The following CHCHD3 variants were observed in gnomAD, a reference collection of about 807,000 sequenced individuals.
CHCHD3 encodes the protein coiled-coil-helix-coiled-coil-helix domain containing 3, also known as MICOS complex subunit MIC19.
In CHCHD3, 20 loss-of-function variants were observed where a neutral mutation model predicts 38.2. The ratio of observed to expected loss-of-function variants is 0.52; its 90% CI spans 0.37 to 0.76. The LOEUF (loss-of-function observed/expected upper bound fraction) is 0.76, where lower values mean the gene tolerates loss of function less well. Ranked by LOEUF, CHCHD3 falls within the 30% of genes least tolerant of loss-of-function variation. The pLI, the probability that CHCHD3 is intolerant of heterozygous loss-of-function variation, is 0.00. For synonymous variants in CHCHD3, 82 were observed against 100.0 expected (o/e 0.82, Z 1.07); for missense variants, 245 against 279.2 (o/e 0.88, Z 0.87).
intron 1 of CHCHD3, 109 bp downstream of exon 1, chr7:133,081,748 T>C: frequency 9.2e-7 from 1 of 1,087,062 alleles, no homozygotes. Context: ...CTGGCCTTAA[T>C]ACGCTAGGGT....
At chr7:132,863,087 T>C (rs1808534697) in intron 5 of CHCHD3, among the ~76,000 whole-genome samples, 1 of 152,232 alleles carries the variant, frequency 6.6e-6, no homozygotes, top group African/African-American at 2.4e-5. Flanking sequence ...ATGTTCTTAA[T>C]GGCATCTAGA....
chr7:132,885,698 T>G lies in CHCHD3; in HGVS notation c.417A>C (p.Ala139=), dbSNP rs534516884. The G allele has an allele frequency of 1.4e-4, 220 of 1,609,378 alleles. No homozygotes were observed. Among genetic ancestry groups the G allele is most frequent in the Non-Finnish European group, 1.8e-4 (210 of 1,178,530 alleles). ...GTCTAGCCAGCTGTTCTTTGTAGAATGCATCCTGCTTCTTTAGCACTCGGT... is the reference window on the plus strand; with the variant it reads ...GTCTAGCCAGCTGTTCTTTGTAGAAGGCATCCTGCTTCTTTAGCACTCGGT... ...EKDRVLKKQD[A]FYKEQLARLE... Residue 139 remains alanine (A), a synonymous_variant, in exon 5 of 8, where the codon GCA becomes GCC. Coordinates refer to ENST00000262570, the MANE Select transcript of CHCHD3 (RefSeq NM_017812.4).
At position 133,035,327 on chromosome 7, in the gene CHCHD3, G is replaced by T; in HGVS notation, c.170-10700C>A. On this transcript the variant is annotated intron_variant, in intron 2 of 7. Transcript: ENST00000262570. The surrounding 1 kb of genome is among the most constrained non-coding windows in gnomAD (Gnocchi z 4.7). Reference sequence around the variant, plus strand: ...GTTCCCCCAAGACAGCCCGGAACTGGGGCTGGTTAATGCAGGTGAGGAACC... The same window carrying T: ...GTTCCCCCAAGACAGCCCGGAACTGTGGCTGGTTAATGCAGGTGAGGAACC... 6.2e-7 allele frequency: 1 copy of T among 1,610,880 alleles called. No homozygotes were observed. The highest frequency in any genetic ancestry group is 8.5e-7 in the Non-Finnish European group (1 of 1,177,166).
intron 6 of CHCHD3, among the ~76,000 whole-genome samples, chr7:132,828,230 C>A (rs1471907993): frequency 6.6e-6 from 1 of 151,946 alleles, no homozygotes; most frequent in Non-Finnish European, 1.5e-5. Context: ...CATTGTATAC[C>A]CCCACCAGCA....
chr7:132,813,333 A>G (rs1275441143), intron 6 of CHCHD3: 1 of 152,236 alleles, frequency 6.6e-6, no homozygotes, highest in East Asian at 1.9e-4. Context: ...AATACAGTCA[A>G]TACTTATGTT....
chr7:132,935,501 A>G (rs546875558), intron 4 of CHCHD3, among the ~76,000 whole-genome samples: 4 of 152,354 alleles, frequency 2.6e-5, no homozygotes, highest in Non-Finnish European at 5.9e-5. Context: ...GATGTAAAAT[A>G]TATTCTTGCA....
At chr7:132,948,801 G>GA (rs1315993535) in intron 4 of CHCHD3, among the ~76,000 whole-genome samples, 3 of 152,204 alleles carry the variant, frequency 2.0e-5, no homozygotes, top group African/African-American at 7.2e-5. Context: ...TGCTGAGAGA[G>GA]AAATTCTCAA....
At chr7:132,914,123 C>A (rs113565988) in intron 4 of CHCHD3, among the ~76,000 whole-genome samples, 1 of 132,224 alleles carries the variant, frequency 7.6e-6, no homozygotes, top group African/African-American at 2.9e-5. Flanking sequence ...CCATGCCTGG[C>A]GTGTGTGTGT....
chr7:133,034,513 T>TTTC lies in CHCHD3; in HGVS notation c.170-9887_170-9886insGAA. On this transcript the variant is annotated intron_variant, in intron 2 of 7. Coordinates refer to ENST00000262570, the MANE Select transcript of CHCHD3 (RefSeq NM_017812.4). ...TTTCAGCAATTGGATCCAGTCTTTT[T>TTTC]TTTTTTTTTTTTTTTTTCAATGTTC... 1.7e-5 allele frequency: 8 copies of TTTC among 464,082 alleles called. No individual in the cohort carries two copies. In the South Asian group the frequency reaches 1.8e-4, roughly 10 times the overall value. 28.7% of individuals were successfully genotyped at this position (464,082 alleles called of 1,614,324 possible).
intron 4 of CHCHD3, among the ~76,000 whole-genome samples, chr7:132,912,986 T>C (rs1270926798): frequency 6.6e-6 from 1 of 152,264 alleles, no homozygotes. Context: ...CAATACTTGG[T>C]TCTGCTCAGC....
At chr7:133,064,034 C>T (rs1265578462) in intron 2 of CHCHD3, among the ~76,000 whole-genome samples, 1 of 152,234 alleles carries the variant, frequency 6.6e-6, no homozygotes, top group Non-Finnish European at 1.5e-5. Flanking sequence ...AAAGCACTTT[C>T]CATACCTCTT....
chr7:132,807,011 T>TG (rs756238698), intron 6 of CHCHD3, among the ~76,000 whole-genome samples: 2 of 151,992 alleles, frequency 1.3e-5, no homozygotes, highest in Non-Finnish European at 2.9e-5. Flanking sequence ...GCTGGTGAGA[T>TG]GGGGAGGAGT....
chr7:132,873,756 T>TATCATC (rs10615808), intron 5 of CHCHD3, among the ~76,000 whole-genome samples: 8 of 151,672 alleles, frequency 5.3e-5, no homozygotes, highest in Admixed American at 1.3e-4. Flanking sequence ...ATAAAATTGA[T>TATCATC]ATCATCATCA....
intron 3 of CHCHD3, among the ~76,000 whole-genome samples, chr7:132,984,771 G>A (rs1812042804): frequency 6.8e-6 from 1 of 147,598 alleles, no homozygotes. Context: ...GAGAAGTGAG[G>A]AGCCCCTCCG....
Position 133,056,338 on chromosome 7 carries a change from C to G in CHCHD3, c.169+13804G>C, listed in dbSNP as rs920830665. ...TTATGACTGTAACCAATGCACCCAT[C>G]ATCGCACATCATCCTTCTCCCAAGA... On this transcript the variant is annotated intron_variant, in intron 2 of 7. Coordinates refer to ENST00000262570, the MANE Select transcript of CHCHD3 (RefSeq NM_017812.4). 5.3e-5 allele frequency among the ~76,000 whole-genome samples: 8 copies of G among 152,244 alleles called. No homozygotes were observed. The East Asian group carries it at 1.5e-3, about 29-fold the overall frequency.
At chr7:133,050,073 G>C (rs1018764414) in intron 2 of CHCHD3, among the ~76,000 whole-genome samples, 1 of 152,084 alleles carries the variant, frequency 6.6e-6, no homozygotes, top group Admixed American at 6.5e-5. Context: ...AGGGCCAGGC[G>C]TGGTGGCTCA....
At chr7:132,914,123 C>CGTGTGTGTGTGTGTGTGT (rs200561468) in intron 4 of CHCHD3, among the ~76,000 whole-genome samples, 3 of 132,224 alleles carry the variant, frequency 2.3e-5, no homozygotes, top group East Asian at 4.5e-4. Context: ...CCATGCCTGG[C>CGTGTGTGTGTGTGTGTGT]GTGTGTGTGT....
intron 4 of CHCHD3, among the ~76,000 whole-genome samples, chr7:132,905,067 G>A (rs553382094): frequency 1.7e-4 from 26 of 151,284 alleles, no homozygotes; most frequent in African/African-American, 5.8e-4. Context: ...GACGCAAGGC[G>A]GGGAACAAAA....
intron 4 of CHCHD3, among the ~76,000 whole-genome samples, chr7:132,946,438 G>A (rs759671723): frequency 2.0e-5 from 3 of 151,844 alleles, no homozygotes; most frequent in Non-Finnish European, 2.9e-5. Context: ...CCTCTATGGT[G>A]TTGCTCAGTT....
Sources: allele counts gnomAD v4.1 joint callset (sites outside exome capture counted in the v4.1 genomes callset), GRCh38; gene constraint gnomAD v4.1.1; non-coding constraint Gnocchi (gnomAD v3.1); transcripts MANE v1.5; gene names NCBI Gene and HGNC (gene_info 2026-07-23, HGNC 2026-07-21).